DDC: variants seen among roughly 807,000 people sequenced by gnomAD.
DDC encodes aromatic-L-amino-acid decarboxylase.
Under a neutral mutation model 60.0 loss-of-function variants are expected in DDC, and 43 were observed. That is an observed-to-expected ratio of 0.72 (90% CI 0.56 to 0.92). The LOEUF is 0.92. Ranked by LOEUF, DDC falls within the 40% of genes least tolerant of loss-of-function variation. The pLI, the probability that DDC is intolerant of heterozygous loss-of-function variation, is 0.00. For synonymous variants in DDC, 232 were observed against 234.6 expected (o/e 0.99, Z 0.10); for missense variants, 573 against 620.2 (o/e 0.92, Z 0.81).
chr7:50,560,851 A>G (rs2045328655), intron 1 of DDC, among the ~76,000 whole-genome samples: 1 of 152,140 alleles, frequency 6.6e-6, no homozygotes, highest in African/African-American at 2.4e-5. Context: ...ACCTGCACAC[A>G]CTGAATGCTC....
At chr7:50,520,191 G>A (rs1258285387) in intron 6 of DDC, among the ~76,000 whole-genome samples, 1 of 152,120 alleles carries the variant, frequency 6.6e-6, no homozygotes, top group African/African-American at 2.4e-5. Flanking sequence ...ATCAATATTT[G>A]TAAAATATTT....
At chr7:50,507,417 A>G (rs779079115) in intron 6 of DDC, among the ~76,000 whole-genome samples, 1 of 152,116 alleles carries the variant, frequency 6.6e-6, no homozygotes, top group Admixed American at 6.5e-5. Context: ...TTTTTAGTAG[A>G]GACGGGGTTT....
At chr7:50,559,069 C>A (rs2045272430) in intron 1 of DDC, among the ~76,000 whole-genome samples, 1 of 152,216 alleles carries the variant, frequency 6.6e-6, no homozygotes, top group Non-Finnish European at 1.5e-5. Context: ...TGAATAGTTG[C>A]CATATACAGG....
chr7:50,519,418 T>C (rs569429940), intron 6 of DDC, among the ~76,000 whole-genome samples: 2 of 152,232 alleles, frequency 1.3e-5, no homozygotes, highest in East Asian at 3.9e-4. Context: ...AATAAGTCAT[T>C]ATTAGAAAGA....
chr7:50,472,129 G>T (rs1239887672), intron 11 of DDC, among the ~76,000 whole-genome samples: 1 of 152,144 alleles, frequency 6.6e-6, no homozygotes, highest in African/African-American at 2.4e-5. Context: ...CTGGGTGCCT[G>T]CAGTAGACAG....
chr7:50,496,159 C>T (rs1364964973), intron 8 of DDC, among the ~76,000 whole-genome samples: 2 of 151,850 alleles, frequency 1.3e-5, no homozygotes, highest in African/African-American at 4.8e-5. Context: ...ACACAGCTCA[C>T]TGCAGCCTCA....
At position 50,479,876 on chromosome 7, in the gene DDC, A is replaced by G. The variant is rs751797399; in HGVS notation, c.945-13T>C. 2.5e-6 allele frequency: 4 copies of G among 1,611,114 alleles called. No individual in the cohort carries two copies. In the African/African-American group the frequency reaches 4.0e-5, roughly 16 times the overall value. On this transcript the variant is annotated splice_polypyrimidine_tract_variant and intron_variant, in intron 9 of 14. Coordinates refer to ENST00000444124, the MANE Select transcript of DDC (RefSeq NM_001082971.2). ...TCTCTTTTTCACCCTGGTTTTAGAGAACAAATGAAAGGGCTGATAACCAAG... is the reference window on the plus strand; with the variant it reads ...TCTCTTTTTCACCCTGGTTTTAGAGGACAAATGAAAGGGCTGATAACCAAG...
intron 7 of DDC, among the ~76,000 whole-genome samples, chr7:50,500,572 C>T (rs891574644): frequency 1.3e-5 from 2 of 152,202 alleles, no homozygotes; most frequent in Non-Finnish European, 2.9e-5. Flanking sequence ...AGGCCTTGTG[C>T]TCTTCCTGGC....
chr7:50,517,624 G>C (rs1396554831), intron 6 of DDC, among the ~76,000 whole-genome samples: 1 of 152,082 alleles, frequency 6.6e-6, no homozygotes, highest in Non-Finnish European at 1.5e-5. Context: ...TCAGTAAAGA[G>C]GAAGTCAGAT....
intron 1 of DDC, among the ~76,000 whole-genome samples, chr7:50,559,710 G>C (rs1225616722): frequency 6.6e-6 from 1 of 152,232 alleles, no homozygotes; most frequent in Non-Finnish European, 1.5e-5. Context: ...TTACAGGCGT[G>C]AGCCACTGCG....
intron 14 of DDC, among the ~76,000 whole-genome samples, chr7:50,459,368 C>T (rs182616354): frequency 6.6e-6 from 1 of 152,238 alleles, no homozygotes; most frequent in Non-Finnish European, 1.5e-5. Flanking sequence ...CAGCCTCTGC[C>T]CGGCCGCCAC....
At chr7:50,542,086 C>T (rs1237580271) in intron 2 of DDC, among the ~76,000 whole-genome samples, 1 of 152,082 alleles carries the variant, frequency 6.6e-6, no homozygotes, top group East Asian at 1.9e-4. Flanking sequence ...ACAGCAGGTC[C>T]AGGCCCACGA....
intron 10 of DDC, chr7:50,477,484 CA>C: frequency 2.2e-6 from 1 of 455,590 alleles, no homozygotes; most frequent in South Asian, 1.6e-5. Context: ...GTGGCAGGGC[CA>C]TAGCAGGCCC....
At chr7:50,460,126 C>T (rs1444876116) in intron 14 of DDC, among the ~76,000 whole-genome samples, 2 of 145,014 alleles carry the variant, frequency 1.4e-5, no homozygotes, top group Non-Finnish European at 3.0e-5. Context: ...GCCCGGCCGC[C>T]CCTACTGGGA....
intron 6 of DDC, among the ~76,000 whole-genome samples, chr7:50,515,639 C>T (rs974072745): frequency 6.6e-6 from 1 of 152,116 alleles, no homozygotes; most frequent in Non-Finnish European, 1.5e-5. Context: ...AGATACAGAT[C>T]CACAGAATGG....
At chr7:50,526,784 A>G (rs912102008) in intron 6 of DDC, among the ~76,000 whole-genome samples, 3 of 152,238 alleles carry the variant, frequency 2.0e-5, no homozygotes, top group Non-Finnish European at 2.9e-5. Flanking sequence ...TGTCTATATC[A>G]TGCAAACATT....
intron 6 of DDC, among the ~76,000 whole-genome samples, chr7:50,508,366 G>A (rs137947034): frequency 3.3e-5 from 5 of 152,186 alleles, no homozygotes; most frequent in African/African-American, 1.2e-4. Context: ...GACAGTTCAG[G>A]CCTCCATCTC....
At chr7:50,498,644 C>T (rs931617305) in intron 8 of DDC, among the ~76,000 whole-genome samples, 2 of 152,224 alleles carry the variant, frequency 1.3e-5, no homozygotes, top group African/African-American at 4.8e-5. Context: ...AAGAAGCAGG[C>T]ATTTCACTTA....
At position 50,495,227 on chromosome 7, in the gene DDC, G is replaced by T; in HGVS notation, c.944+123C>A. ...TAGCAATAATTCCATCAAGGGTTCA[G>T]AAAAGGCAGCAAGCAGTGAGCTAAG... On this transcript the variant is annotated intron_variant, in intron 9 of 14. Transcript: ENST00000444124. 4.0e-6 allele frequency: 3 copies of T among 753,628 alleles called. No individual in the cohort carries two copies. In the South Asian group the frequency reaches 4.3e-5, roughly 11 times the overall value. The allele number at this position is 753,628 out of a possible 1,614,324, so 46.7% of individuals were successfully genotyped here.
Sources: gnomAD v4.1 joint callset for allele counts (sites outside exome capture counted in the v4.1 genomes callset) on GRCh38, gnomAD v4.1.1 for gene constraint, MANE v1.5 for transcripts, NCBI Gene and HGNC (gene_info 2026-07-23, HGNC 2026-07-21) for gene names.